Variants in NUDT3 observed in about 807,000 individuals in gnomAD.
NUDT3 encodes diphosphoinositol polyphosphate phosphohydrolase 1.
A neutral mutation model predicts 23.6 loss-of-function variants in NUDT3; 9 were observed. That is an observed-to-expected ratio of 0.38 (90% CI 0.23 to 0.66). NUDT3 has a LOEUF of 0.66. Ranked by LOEUF, NUDT3 falls within the 30% of genes least tolerant of loss-of-function variation. NUDT3 has a pLI of 0.52. For synonymous variants in NUDT3, 86 were observed against 82.6 expected, an observed-to-expected ratio of 1.04 and a Z score of -0.22; for missense variants, 172 against 218.5, an observed-to-expected ratio of 0.79 and a Z score of 1.34.
chr6:34,288,729 A>G lies in NUDT3; in HGVS notation c.*24T>C, dbSNP rs1156865069. On this transcript the variant is annotated 3_prime_UTR_variant, in exon 5 of 5. Transcript: ENST00000607016. ...CACTTCAGTCTAGTTTCCAATTTCC[A>G]TTTCTCTTACAGGAAGTCTTCAGTC... The G allele has an allele frequency of 1.3e-6, 2 of 1,595,548 alleles. No individual in the cohort carries two copies. The highest frequency in any genetic ancestry group is 2.2e-5 in the East Asian group (1 of 44,450).
At chr6:34,323,937 G>GT (rs1561907097) in intron 2 of NUDT3, among the ~76,000 whole-genome samples, 1 of 152,124 alleles carries the variant, frequency 6.6e-6, no homozygotes, top group East Asian at 1.9e-4. Flanking sequence ...CTAGGAACAC[G>GT]TATTATTTTT....
intron 1 of NUDT3, among the ~76,000 whole-genome samples, chr6:34,378,367 C>T (rs1009428164): frequency 2.0e-5 from 3 of 152,068 alleles, no homozygotes; most frequent in Admixed American, 6.6e-5. Flanking sequence ...CTCCCACACA[C>T]AAAAAAACTT....
At chr6:34,354,221 G>A (rs1323263197) in intron 1 of NUDT3, among the ~76,000 whole-genome samples, 1 of 151,698 alleles carries the variant, frequency 6.6e-6, no homozygotes, top group African/African-American at 2.4e-5. Flanking sequence ...CCTGGTCCCA[G>A]GCTAGTCTAG....
At chr6:34,308,501 CACAAA>C (rs1428616931) in intron 2 of NUDT3, among the ~76,000 whole-genome samples, 1 of 150,972 alleles carries the variant, frequency 6.6e-6, no homozygotes, top group Non-Finnish European at 1.5e-5. Context: ...CAGAGTGCAT[CACAAA>C]ACAAGAGTCA....
At chr6:34,356,313 A>G (rs1338563614) in intron 1 of NUDT3, among the ~76,000 whole-genome samples, 1 of 152,218 alleles carries the variant, frequency 6.6e-6, no homozygotes, top group Non-Finnish European at 1.5e-5. Flanking sequence ...TGATTGCCTT[A>G]TAGTTGTTCA....
intron 2 of NUDT3, among the ~76,000 whole-genome samples, chr6:34,322,150 G>A (rs1412518282): frequency 2.0e-5 from 3 of 152,114 alleles, no homozygotes; most frequent in Non-Finnish European, 4.4e-5. Context: ...ACAGAGGATG[G>A]GGAAACAAGT....
intron 4 of NUDT3, among the ~76,000 whole-genome samples, chr6:34,292,823 G>A (rs926935957): frequency 2.6e-5 from 4 of 152,126 alleles, no homozygotes; most frequent in African/African-American, 9.7e-5. Flanking sequence ...GCATGGCGGA[G>A]GCCCTCAATC....
intron 2 of NUDT3, among the ~76,000 whole-genome samples, chr6:34,339,024 A>AG (rs1234001592): frequency 7.9e-5 from 12 of 152,208 alleles, no homozygotes; most frequent in Admixed American, 7.9e-4. Context: ...TGGACTGCCA[A>AG]GGGAGTTGCT....
chr6:34,292,107 G>A (rs1763431566), intron 4 of NUDT3, among the ~76,000 whole-genome samples: 1 of 152,176 alleles, frequency 6.6e-6, no homozygotes, highest in South Asian at 2.1e-4. Flanking sequence ...GACAGAGAGT[G>A]CTCTGAGGAT....
intron 2 of NUDT3, among the ~76,000 whole-genome samples, chr6:34,306,798 T>C (rs1763687571): frequency 1.3e-5 from 2 of 152,248 alleles, no homozygotes; most frequent in South Asian, 2.1e-4. Context: ...AGTAAAAAGA[T>C]ATCTTTAATT....
At chr6:34,305,890 A>G (rs1763672241) in intron 2 of NUDT3, among the ~76,000 whole-genome samples, 1 of 152,212 alleles carries the variant, frequency 6.6e-6, no homozygotes, top group Non-Finnish European at 1.5e-5. Context: ...TATACAGTCT[A>G]TAATACTGAT....
intron 4 of NUDT3, among the ~76,000 whole-genome samples, chr6:34,290,783 T>A (rs566928054): frequency 1.3e-5 from 2 of 148,730 alleles, no homozygotes; most frequent in Non-Finnish European, 3.0e-5. Context: ...TGGACATCAA[T>A]TGTCTGTGAT....
chr6:34,386,287 C>T (rs940376858), intron 1 of NUDT3, among the ~76,000 whole-genome samples: 1 of 152,186 alleles, frequency 6.6e-6, no homozygotes, highest in Non-Finnish European at 1.5e-5. Flanking sequence ...ATACCAATAA[C>T]AATCAGTACA....
At position 34,352,372 on chromosome 6, in the gene NUDT3, G is replaced by A. The variant is rs570654920; in HGVS notation, c.100-10400C>T. Among the ~76,000 whole-genome samples the A allele has an allele frequency of 1.2e-4, 18 of 152,160 alleles. No homozygotes were observed. The South Asian group carries it at 2.7e-3, about 23-fold the overall frequency. On this transcript the variant is annotated intron_variant, in intron 1 of 4. Transcript: ENST00000607016. The stretch of plus-strand genomic sequence containing the variant: ...ATTTGTAGAGACAGGGTTTCACCGC[G>A]TTCCACAGGCTGGTCTCAAACTCCT...
At chr6:34,297,760 A>ATATATTTTTTT (rs1763535832) in intron 2 of NUDT3, among the ~76,000 whole-genome samples, 8 of 53,622 alleles carry the variant, frequency 1.5e-4, no homozygotes, top group Non-Finnish European at 1.5e-4. Context: ...TATATATATA[A>ATATATTTTTTT]TTTTTTTTTT....
At chr6:34,341,653 T>C (rs1182147004) in intron 2 of NUDT3, among the ~76,000 whole-genome samples, 4 of 152,212 alleles carry the variant, frequency 2.6e-5, no homozygotes, top group Admixed American at 6.5e-5. Flanking sequence ...GCATAAAAAG[T>C]CATGGGAAGT....
rs1763271361 is a variant in NUDT3 at position 34,280,770 on chromosome 6, G to A, written c.*7983C>T. 6.6e-6 allele frequency: 1 copy of A among 152,164 alleles called. No homozygotes were observed. The highest frequency in any genetic ancestry group is 6.5e-5 in the Admixed American group (1 of 15,274). The allele number at this position is 152,164 out of a possible 1,614,324, so 9.4% of individuals were successfully genotyped here. On this transcript the variant is annotated 3_prime_UTR_variant, in exon 5 of 5. Transcript: ENST00000607016. ...TGGAAATGAACAGCAGCAGAGTTCT[G>A]GTGGGATAGAGCAGTCTAGTCTGAG...
rs1581844090 is a variant in NUDT3 at position 34,288,364 on chromosome 6, A to G, written c.*389T>C. The G allele has an allele frequency of 1.8e-5, 3 of 166,834 alleles. No homozygotes were observed. Among genetic ancestry groups the G allele is most frequent in the East Asian group, 3.6e-4 (2 of 5,514 alleles). 10.3% of individuals were successfully genotyped at this position (166,834 alleles called of 1,614,324 possible). A position where few individuals can be genotyped will look rare whatever the true frequency, so the allele number is the denominator to read the frequency against. ...TTGGAAGTTTTCATCTCATACTGGT[A>G]TCTTTTAATAAAAAAAAAAAATTAA... On this transcript the variant is annotated 3_prime_UTR_variant, in exon 5 of 5. Coordinates refer to ENST00000607016, the MANE Select transcript of NUDT3 (RefSeq NM_006703.4).
At chr6:34,364,627 G>C (rs1487127986) in intron 1 of NUDT3, among the ~76,000 whole-genome samples, 2 of 152,138 alleles carry the variant, frequency 1.3e-5, no homozygotes, top group Non-Finnish European at 1.5e-5. Flanking sequence ...GATAAGTGAA[G>C]CTTTACCTCC....
Sources: gnomAD v4.1 joint callset for allele counts (sites outside exome capture counted in the v4.1 genomes callset) on GRCh38, gnomAD v4.1.1 for gene constraint, MANE v1.5 for transcripts, NCBI Gene and HGNC (gene_info 2026-07-23, HGNC 2026-07-21) for gene names.